Variants in SCN7A observed in about 807,000 individuals in gnomAD.
SCN7A encodes sodium channel protein type 7 subunit alpha.
In SCN7A, 138 loss-of-function variants were observed where a neutral mutation model predicts 155.2. The ratio of observed to expected loss-of-function variants is 0.89; its 90% CI spans 0.77 to 1.02. SCN7A has a LOEUF of 1.02. SCN7A is among the 50% of genes least tolerant of loss of function. The pLI is 0.00. For missense variants in SCN7A, 2,058 were observed against 1,986.6 expected (o/e 1.04, Z -0.68); for synonymous variants, 693 against 649.0 (o/e 1.07, Z -1.03).
chr2:166,462,278 C>A, intron 10 of SCN7A, 111 bp downstream of exon 10: 1 of 1,166,914 alleles, frequency 8.6e-7, no homozygotes. Context: ...TTTTGTCTTC[C>A]AATTCTTCTG....
rs930113022 is a variant in SCN7A at position 166,494,172 on chromosome 2, A to T, written c.-332T>A. 4.6e-5 allele frequency: 7 copies of T among 152,414 alleles called. No homozygotes were observed. The highest frequency in any genetic ancestry group is 1.7e-4 in the African/African-American group (7 of 41,438). 9.4% of individuals were successfully genotyped at this position (152,414 alleles called of 1,614,324 possible). On this transcript the variant is annotated 5_prime_UTR_variant, in exon 1 of 26. Coordinates refer to ENST00000643258, the MANE Select transcript of SCN7A (RefSeq NM_002976.4). Reference sequence around the variant, plus strand: ...AGTAAATGGGCCCCACTAAATGGCCAGTTAGACACCGACTCACTGGGGCGA... The same window carrying T: ...AGTAAATGGGCCCCACTAAATGGCCTGTTAGACACCGACTCACTGGGGCGA...
rs1287934297 is a variant in SCN7A, at chr2:166,470,836, A to G, written c.573-130T>C. On this transcript the variant is annotated intron_variant, in intron 6 of 25. Transcript: ENST00000643258. ...ACATTTCCCTTGATCACATGATTCCATATTGCAAACAGTTTTATTATTGAT... is the reference window on the plus strand; with the variant it reads ...ACATTTCCCTTGATCACATGATTCCGTATTGCAAACAGTTTTATTATTGAT... 5.5e-6 allele frequency: 4 copies of G among 733,270 alleles called. No homozygotes were observed. In the Admixed American group the frequency reaches 1.1e-4, roughly 19 times the overall value. 45.4% of individuals were successfully genotyped at this position (733,270 alleles called of 1,614,324 possible).
At chr2:166,462,735 G>A (rs985477591) in intron 9 of SCN7A, among the ~76,000 whole-genome samples, 7 of 152,222 alleles carry the variant, frequency 4.6e-5, no homozygotes, top group East Asian at 1.9e-4. Context: ...TTAATTAAGC[G>A]AAAATAAAAA....
chr2:166,479,166 C>T (rs1323278412), intron 2 of SCN7A, among the ~76,000 whole-genome samples: 1 of 152,066 alleles, frequency 6.6e-6, no homozygotes, highest in East Asian at 1.9e-4. Context: ...ACAGAAATCA[C>T]CTACACATAT....
Position 166,429,293 on chromosome 2 carries a change from C to G in SCN7A, c.2593-19G>C. 1 of 1,434,602 alleles carries G rather than the reference C, an allele frequency of 7.0e-7. No homozygotes were observed. Among genetic ancestry groups the G allele is most frequent in the Non-Finnish European group, 9.4e-7 (1 of 1,060,752 alleles). 88.9% of individuals were successfully genotyped at this position (1,434,602 alleles called of 1,614,324 possible). A position where few individuals can be genotyped will look rare whatever the true frequency, so the allele number is the denominator to read the frequency against. On this transcript the variant is annotated intron_variant, in intron 16 of 25. Coordinates refer to ENST00000643258, the MANE Select transcript of SCN7A (RefSeq NM_002976.4). ...TTATTTTCTAAAAGGTGAAGTCCCA[C>G]CAAAAAAGTTGTGATTAAAGTTTCA... is the stretch of plus-strand genomic sequence containing the variant.
intron 3 of SCN7A, among the ~76,000 whole-genome samples, chr2:166,475,094 ACATATATATG>A (rs1405277273): frequency 4.1e-5 from 5 of 121,764 alleles, no homozygotes; most frequent in East Asian, 2.5e-4. Flanking sequence ...ATATATATAC[ACATATATATG>A]TATATATATA....
At chr2:166,428,077 T>A in intron 17 of SCN7A, 135 bp from the exon 18 acceptor site, 2 of 965,428 alleles carry the variant, frequency 2.1e-6, no homozygotes, top group Non-Finnish European at 3.0e-6. Context: ...TTTATAAACA[T>A]TTAATTTTTA....
chr2:166,409,637 G>A, intron 25 of SCN7A, 28 bp downstream of exon 25: 1 of 1,414,238 alleles, frequency 7.1e-7, no homozygotes, highest in Non-Finnish European at 9.4e-7. Context: ...ATTATTATCA[G>A]TAAAAATTTG....
In SCN7A at chr2:166,465,770, G is replaced by A; in HGVS notation, c.871+11C>T. ...TTCAATTTTTGATATACATGGCAAG[G>A]TGATTCTTACCTCGAATATAATATG... On this transcript the variant is annotated intron_variant, in intron 8 of 25. Coordinates refer to ENST00000643258, the MANE Select transcript of SCN7A (RefSeq NM_002976.4). 1.2e-6 allele frequency: 2 copies of A among 1,612,732 alleles called. No homozygotes were observed. Among genetic ancestry groups the A allele is most frequent in the African/African-American group, 2.7e-5 (2 of 75,016 alleles).
chr2:166,436,803 A>G (rs1261399121), intron 15 of SCN7A, among the ~76,000 whole-genome samples: 1 of 152,192 alleles, frequency 6.6e-6, no homozygotes, highest in African/African-American at 2.4e-5. Flanking sequence ...TGACTCCTTT[A>G]GCTGTGCTTT....
At chr2:166,464,997 C>A (rs1702496759) in intron 9 of SCN7A, among the ~76,000 whole-genome samples, 1 of 152,170 alleles carries the variant, frequency 6.6e-6, no homozygotes, top group East Asian at 1.9e-4. Flanking sequence ...TGTGTCCCCT[C>A]AACATTCATA....
At chr2:166,455,049 T>C (rs1702246156) in intron 11 of SCN7A, among the ~76,000 whole-genome samples, 1 of 152,210 alleles carries the variant, frequency 6.6e-6, no homozygotes, top group African/African-American at 2.4e-5. Flanking sequence ...TTCCCTGTAC[T>C]ATGATACATA....
At position 166,423,389 on chromosome 2, in the gene SCN7A, AT is replaced by A; in HGVS notation, c.2896del (p.Ile966PhefsTer3). On this transcript the variant is annotated frameshift_variant, in exon 19 of 26. Coordinates refer to ENST00000643258, the MANE Select transcript of SCN7A (RefSeq NM_002976.4). LOFTEE classifies it high-confidence loss of function. ...IYMDQRKTIKILLEYADMIFT... is the reference protein window; with the variant it reads ...IYMDQRKTIKXLLEYADMIFT... Reference sequence around the variant, plus strand: ...GATCATGTCAGCATATTCTAATAAAATTTTAATTGTCTTTCTCTGATCCATA... The same window carrying A: ...GATCATGTCAGCATATTCTAATAAAATTTAATTGTCTTTCTCTGATCCATA... 3 of 1,600,862 alleles carry A rather than the reference AT, an allele frequency of 1.9e-6. No individual in the cohort carries two copies. The African/African-American group carries it at 4.0e-5, about 22-fold the overall frequency.
intron 16 of SCN7A, among the ~76,000 whole-genome samples, chr2:166,429,529 A>G (rs951224004): frequency 6.6e-6 from 1 of 152,114 alleles, no homozygotes; most frequent in Admixed American, 6.6e-5. Flanking sequence ...TGTTTAGTTT[A>G]TAACACTTTG....
Position 166,429,152 on chromosome 2 carries a change from T to C in SCN7A, c.2698+17A>G. On this transcript the variant is annotated intron_variant, in intron 17 of 25. Coordinates refer to ENST00000643258, the MANE Select transcript of SCN7A (RefSeq NM_002976.4). ...ATTCAAATTAGTTTCCTAGCAAGAT[T>C]AACAAAATTTTCTTACCATTTTTCA... is the stretch of plus-strand genomic sequence containing the variant. The C allele has an allele frequency of 6.9e-7, 1 of 1,447,956 alleles. No homozygotes were observed. 89.7% of individuals were successfully genotyped at this position (1,447,956 alleles called of 1,614,324 possible). A position where few individuals can be genotyped will look rare whatever the true frequency, so the allele number is the denominator to read the frequency against.
At position 166,450,844 on chromosome 2, in the gene SCN7A, C is replaced by T. The variant is rs547033715; in HGVS notation, c.1291-3136G>A. On this transcript the variant is annotated intron_variant, in intron 11 of 25. Transcript: ENST00000643258. ...ATTTTTTTTGTTTGTTTAAACTATG[C>T]TTATTCTAGAAACTATTCTTAGCTG... 3.3e-5 allele frequency among the ~76,000 whole-genome samples: 5 copies of T among 152,150 alleles called. No homozygotes were observed. The South Asian group carries it at 8.3e-4, about 25-fold the overall frequency.
Position 166,405,689 on chromosome 2 carries a change from T to C in SCN7A, c.4940A>G (p.Asn1647Ser). 6.2e-7 allele frequency: 1 copy of C among 1,613,040 alleles called. No homozygotes were observed. Among genetic ancestry groups the C allele is most frequent in the Non-Finnish European group, 8.5e-7 (1 of 1,179,328 alleles). The change falls in exon 26 of 26, where the codon AAT becomes AGT. Residue 1647 changes from asparagine to serine, a missense_variant. By Grantham distance (46) the Asn-to-Ser change is conservative (BLOSUM62 1). Coordinates refer to ENST00000643258, the MANE Select transcript of SCN7A (RefSeq NM_002976.4). Reference protein sequence around the residue: ...KNYRLRRNDKNTSDIHMIDGD... With the variant: ...KNYRLRRNDKSTSDIHMIDGD... ...ATCTATCATATGAATATCTGATGTA[T>C]TTTTGTCATTTCGCCTCAAGCGGTA...
chr2:166,406,733 T>C, intron 25 of SCN7A, 87 bp from the exon 26 acceptor site: 1 of 877,796 alleles, frequency 1.1e-6, no homozygotes, highest in East Asian at 2.5e-5. Context: ...ACTTAATTGT[T>C]TTTCCCTGTT....
At chr2:166,444,618 A>G in intron 13 of SCN7A, 144 bp downstream of exon 13, 1 of 597,412 alleles carries the variant, frequency 1.7e-6, no homozygotes, top group African/African-American at 1.9e-5. Context: ...GATAAAGCAT[A>G]AACACAATGC....
Sources: gnomAD v4.1 joint callset for allele counts (sites outside exome capture counted in the v4.1 genomes callset) on GRCh38, gnomAD v4.1.1 for gene constraint, MANE v1.5 for transcripts, NCBI Gene and HGNC (gene_info 2026-07-23, HGNC 2026-07-21) for gene names.